SLC44A5: variants seen among roughly 807,000 people sequenced by gnomAD.
The protein encoded by SLC44A5 is choline transporter-like protein 5.
In SLC44A5, 57 loss-of-function variants were observed where a neutral mutation model predicts 101.8. That is an observed-to-expected ratio of 0.56 (90% CI 0.45 to 0.70). The LOEUF (loss-of-function observed/expected upper bound fraction) is 0.70. Among genes scored for constraint, SLC44A5 ranks in the 30% least tolerant of loss-of-function variants. The pLI, the probability that SLC44A5 is intolerant of heterozygous loss-of-function variation, is 0.00. For synonymous variants in SLC44A5, 281 were observed against 290.9 expected (o/e 0.97, Z 0.35); for missense variants, 737 against 853.1 (o/e 0.86, Z 1.70).
At chr1:75,647,011 C>G in the SLC44A5 span, among the ~76,000 whole-genome samples, 1 of 152,280 alleles carries the variant, frequency 6.6e-6, no homozygotes. Flanking sequence ...AATGTTAATC[C>G]CCCAGATAAT....
At chr1:75,536,452 T>A (rs1279277360) in intron 2 of SLC44A5, among the ~76,000 whole-genome samples, 1 of 147,248 alleles carries the variant, frequency 6.8e-6, no homozygotes, top group Non-Finnish European at 1.5e-5. Flanking sequence ...ACAAAAAAAA[T>A]TGGCTGGGCA....
intron 4 of SLC44A5, among the ~76,000 whole-genome samples, chr1:75,303,595 G>C (rs1404458184): frequency 6.6e-6 from 1 of 152,174 alleles, no homozygotes; most frequent in African/African-American, 2.4e-5. Flanking sequence ...ATTAGCATCA[G>C]TTGGTGTTTT....
At chr1:75,233,900 C>A (rs531384379) in intron 12 of SLC44A5, 86 bp downstream of exon 12, 13 of 1,016,614 alleles carry the variant, frequency 1.3e-5, no homozygotes, top group Non-Finnish European at 1.9e-5. Context: ...CCACTGAAAA[C>A]AAATGCTTTC....
At chr1:75,572,045 C>G (rs906774780) in intron 1 of SLC44A5, among the ~76,000 whole-genome samples, 1 of 152,164 alleles carries the variant, frequency 6.6e-6, no homozygotes, top group Non-Finnish European at 1.5e-5. Context: ...AGCCAAATGA[C>G]TTGATCAATT....
intron 3 of SLC44A5, among the ~76,000 whole-genome samples, chr1:75,370,593 C>T (rs1425186471): frequency 6.6e-6 from 1 of 152,150 alleles, no homozygotes. Context: ...TAACAAAATT[C>T]CTGGAGCATA....
chr1:75,217,101 T>C (rs1646976287), intron 18 of SLC44A5, among the ~76,000 whole-genome samples: 1 of 152,104 alleles, frequency 6.6e-6, no homozygotes. Context: ...TTTAGGTCTT[T>C]GATCCATTTT....
chr1:75,552,382 C>T (rs891888721), intron 1 of SLC44A5, among the ~76,000 whole-genome samples: 2 of 152,012 alleles, frequency 1.3e-5, no homozygotes, highest in Non-Finnish European at 2.9e-5. Flanking sequence ...CATAAATAAG[C>T]CCCATTTTTA....
At chr1:75,233,243 A>G (rs568639222) in intron 12 of SLC44A5, among the ~76,000 whole-genome samples, 45 of 152,272 alleles carry the variant, frequency 3.0e-4, no homozygotes, top group African/African-American at 1.1e-3. Context: ...GGGTACGCAT[A>G]TAATTGTGTT....
chr1:75,328,379 C>T (rs1018440073), intron 4 of SLC44A5, among the ~76,000 whole-genome samples: 1 of 152,062 alleles, frequency 6.6e-6, no homozygotes, highest in Admixed American at 6.6e-5. Flanking sequence ...ATTAGTTTCT[C>T]TAAAAAGAGG....
the SLC44A5 span, among the ~76,000 whole-genome samples, chr1:75,692,216 C>CA: frequency 0.035 from 3,623 of 102,810 alleles, 200 homozygotes; most frequent in African/African-American, 0.13. Context: ...TTTTCTGAGA[C>CA]AGAGTCTCGC....
At chr1:75,565,161 A>C (rs1185433675) in intron 1 of SLC44A5, among the ~76,000 whole-genome samples, 1 of 152,156 alleles carries the variant, frequency 6.6e-6, no homozygotes, top group Non-Finnish European at 1.5e-5. Flanking sequence ...CAAAACCATC[A>C]CTATGCCAGC....
intron 3 of SLC44A5, among the ~76,000 whole-genome samples, chr1:75,378,675 C>T (rs1353352753): frequency 1.2e-5 from 1 of 81,386 alleles, no homozygotes; most frequent in Non-Finnish European, 2.1e-5. Context: ...TATCCTGAAA[C>T]GTTAAAATTA....
At chr1:75,421,031 A>C (rs905234140) in intron 2 of SLC44A5, among the ~76,000 whole-genome samples, 7 of 152,096 alleles carry the variant, frequency 4.6e-5, no homozygotes, top group African/African-American at 1.7e-4. Context: ...ATATAATATA[A>C]CTACTGTTTC....
At chr1:75,583,275 C>T (rs1266228233) in intron 1 of SLC44A5, among the ~76,000 whole-genome samples, 1 of 152,216 alleles carries the variant, frequency 6.6e-6, no homozygotes, top group East Asian at 1.9e-4. Context: ...TAATTTATAA[C>T]TCTCATTTGA....
chr1:75,319,671 G>A (rs1016253975), intron 4 of SLC44A5, among the ~76,000 whole-genome samples: 3 of 152,144 alleles, frequency 2.0e-5, no homozygotes, highest in Non-Finnish European at 4.4e-5. Context: ...CTGGCGAGGA[G>A]AACAGACAAA....
chr1:75,258,072 C>A (rs1403566058), intron 6 of SLC44A5, among the ~76,000 whole-genome samples: 2 of 152,240 alleles, frequency 1.3e-5, no homozygotes, highest in East Asian at 3.9e-4. Flanking sequence ...CACTCCAGGG[C>A]CCACTCCACC....
At chr1:75,232,205 T>C (rs939046266) in intron 12 of SLC44A5, among the ~76,000 whole-genome samples, 5 of 152,172 alleles carry the variant, frequency 3.3e-5, no homozygotes, top group Non-Finnish European at 7.3e-5. Flanking sequence ...TTGTTTTACC[T>C]GCACTTTTTA....
At chr1:75,304,724 T>C (rs962953214) in intron 4 of SLC44A5, among the ~76,000 whole-genome samples, 2 of 152,220 alleles carry the variant, frequency 1.3e-5, no homozygotes, top group Non-Finnish European at 2.9e-5. Context: ...TGAATCATAT[T>C]CTAGCTACAG....
chr1:75,420,298 G>A (rs937434515), intron 2 of SLC44A5, among the ~76,000 whole-genome samples: 2 of 151,380 alleles, frequency 1.3e-5, no homozygotes, highest in South Asian at 4.2e-4. Flanking sequence ...TAAGACAATT[G>A]GTAAAAAATA....
Sources: gnomAD v4.1 joint callset for allele counts (sites outside exome capture counted in the v4.1 genomes callset) on GRCh38, gnomAD v4.1.1 for gene constraint, MANE v1.5 for transcripts, NCBI Gene and HGNC (gene_info 2026-07-23, HGNC 2026-07-21) for gene names.